Variants in CLN3 observed in about 807,000 individuals in gnomAD.
CLN3 encodes the protein CLN3 lysosomal/endosomal transmembrane protein, battenin.
In CLN3, 49 loss-of-function variants were observed where a neutral mutation model predicts 60.7. The ratio of observed to expected loss-of-function variants is 0.81; its 90% CI spans 0.64 to 1.02. The LOEUF (loss-of-function observed/expected upper bound fraction) is 1.02, where lower values mean the gene tolerates loss of function less well. Among genes scored for constraint, CLN3 ranks in the 50% least tolerant of loss-of-function variants. The probability of loss-of-function intolerance (pLI) is 0.00; values close to 1 mark genes in which losing one functional copy is unlikely to be tolerated. For synonymous variants in CLN3, 256 were observed against 245.8 expected (o/e 1.04, Z -0.39); for missense variants, 516 against 557.4 (o/e 0.93, Z 0.75).
chr16:28,487,150 A>G, intron 7 of CLN3: 1 of 467,098 alleles, frequency 2.1e-6, no homozygotes, highest in Non-Finnish European at 3.9e-6. Flanking sequence ...ACCTCAGGTG[A>G]TCTGCCTGCC....
In CLN3 at chr16:28,478,574, C is replaced by T. The variant is rs995017763; in HGVS notation, c.1057-697G>A. Among the ~76,000 whole-genome samples, 6 of 142,202 alleles carry T rather than the reference C, an allele frequency of 4.2e-5. No individual in the cohort carries two copies. In the South Asian group the frequency reaches 8.8e-4, roughly 21 times the overall value. The allele number at this position is 142,202 out of a possible 152,430, so 93.3% of individuals were successfully genotyped here. The stretch of plus-strand genomic sequence containing the variant: ...GAGGCTGCAGTAAGCTATGATTGTG[C>T]CACTGCACTCCAGCCTGGGTGACAG... On this transcript the variant is annotated intron_variant, in intron 14 of 15. Coordinates refer to ENST00000636147, the MANE Select transcript of CLN3 (RefSeq NM_001042432.2).
chr16:28,478,397 C>T (rs985918525), intron 14 of CLN3, among the ~76,000 whole-genome samples: 5 of 151,602 alleles, frequency 3.3e-5, no homozygotes, highest in Non-Finnish European at 7.4e-5. Context: ...GGGATGATCA[C>T]TTGAGGCCAG....
At chr16:28,487,924 T>C (rs1293906625) in intron 5 of CLN3, 183 bp from the exon 6 acceptor site, 2 of 615,080 alleles carry the variant, frequency 3.3e-6, no homozygotes, top group East Asian at 2.8e-5. Flanking sequence ...GAGTTTATAC[T>C]CTCTGAGCTT....
At chr16:28,470,186 T>C (rs1213317494), downstream of CLN3, among the ~76,000 whole-genome samples, 6 of 133,076 alleles carry the variant, frequency 4.5e-5, no homozygotes, top group African/African-American at 1.8e-4. Flanking sequence ...TAATCTTTTT[T>C]GGAATTTTTT....
intron 14 of CLN3, among the ~76,000 whole-genome samples, chr16:28,481,444 ACACACACACG>A (rs1359086523): frequency 2.2e-5 from 3 of 134,828 alleles, no homozygotes; most frequent in Middle Eastern, 3.7e-3. Context: ...ACACACACAC[ACACACACACG>A]CACACACACA....
At chr16:28,470,521 G>A, downstream of CLN3, 1 of 696,818 alleles carries the variant, frequency 1.4e-6, no homozygotes, top group Admixed American at 2.7e-5. Flanking sequence ...AGGGGACGGG[G>A]ACCGGGGCCG....
At position 28,487,665 on chromosome 16, in the gene CLN3, T is replaced by C. The variant is rs546862372; in HGVS notation, c.371A>G (p.Tyr124Cys). ...LAPLGLHLLP[Y>C]SPRVLVSGIC... ...CTCCCACTACCCTCACCCAGACCTG[T>C]AGGGCAGCAGGTGAAGGCCAAGAGG... Residue 124 changes from tyrosine (Y) to cysteine (C), a missense_variant, in exon 6 of 16, where the codon TAC becomes TGC. Transcript: ENST00000636147. 1.2e-6 allele frequency: 2 copies of C among 1,612,490 alleles called. No homozygotes were observed. The highest frequency in any genetic ancestry group is 1.7e-6 in the Non-Finnish European group (2 of 1,178,738).
rs779165392 is a variant in CLN3, at chr16:28,488,642, C to T, written c.243G>A (p.Pro81=). 45 of 1,614,022 alleles carry T rather than the reference C, an allele frequency of 2.8e-5. No individual in the cohort carries two copies. In the East Asian group the frequency reaches 3.6e-4, roughly 13 times the overall value. Reference sequence around the variant, plus strand: ...ATCGTGATGAGCTGTTGTGGGGGATCGGCGTTGGGCCTGGGTCCACCTAAT... The same window carrying T: ...ATCGTGATGAGCTGTTGTGGGGGATTGGCGTTGGGCCTGGGTCCACCTAAT... ...NQSHVDPGPT[P]IPHNSSSRFD... The change falls in exon 5 of 16, where the codon CCG becomes CCA. Residue 81 remains proline (P), a synonymous_variant. Coordinates refer to ENST00000636147, the MANE Select transcript of CLN3 (RefSeq NM_001042432.2).
chr16:28,474,523 C>T (rs1358957409), downstream of CLN3, among the ~76,000 whole-genome samples: 5 of 151,686 alleles, frequency 3.3e-5, no homozygotes, highest in African/African-American at 2.4e-5. Flanking sequence ...ACGGAGGTTG[C>T]GGTGGAAAAA....
At chr16:28,483,889 T>A in intron 10 of CLN3, 117 bp downstream of exon 10, 1 of 749,072 alleles carries the variant, frequency 1.3e-6, no homozygotes. Flanking sequence ...GACAAAGGCT[T>A]TTCCCATAAC....
At chr16:28,468,542 C>T in the CLN3 span, among the ~76,000 whole-genome samples, 6,254 of 127,252 alleles carry the variant, frequency 0.049, no homozygotes, top group East Asian at 0.11. Context: ...GGTGTGGTGG[C>T]TCACGCCTGC....
At chr16:28,480,063 C>T (rs1325499037) in intron 14 of CLN3, among the ~76,000 whole-genome samples, 4 of 151,980 alleles carry the variant, frequency 2.6e-5, no homozygotes, top group East Asian at 1.9e-4. Flanking sequence ...TGGGCTAAAG[C>T]GATCCTCCTG....
chr16:28,476,379 CA>C (rs528486216), downstream of CLN3: 43,159 of 106,394 alleles, frequency 0.41, 7,369 homozygotes, highest in Admixed American at 0.48. Flanking sequence ...CGCGTCTCTA[CA>C]AAAAAAAAAA....
chr16:28,475,760 G>A (rs1394338536), downstream of CLN3: 1 of 152,130 alleles, frequency 6.6e-6, no homozygotes, highest in Non-Finnish European at 1.5e-5. Context: ...ATAACTGAAT[G>A]TATATTAAAG....
chr16:28,483,713 C>CTTT (rs755660742), intron 10 of CLN3, among the ~76,000 whole-genome samples: 23 of 100,534 alleles, frequency 2.3e-4, no homozygotes, highest in African/African-American at 3.6e-4. Flanking sequence ...CCTTTCTTTT[C>CTTT]TTTTTTTTTT....
At chr16:28,488,780 C>T (rs755635105) in intron 4 of CLN3, 118 bp from the exon 5 acceptor site, 13 of 923,070 alleles carry the variant, frequency 1.4e-5, no homozygotes, top group Non-Finnish European at 2.3e-5. Flanking sequence ...CAGTGACTGA[C>T]TTCTCAGGAC....
intron 9 of CLN3, 161 bp from the exon 10 acceptor site, chr16:28,484,279 C>A: frequency 1.5e-6 from 1 of 654,836 alleles, no homozygotes; most frequent in Non-Finnish European, 2.7e-6. Context: ...GGGAGAGCTC[C>A]AATTGTGGAC....
chr16:28,472,011 C>T (rs1309004048), downstream of CLN3, among the ~76,000 whole-genome samples: 1 of 152,056 alleles, frequency 6.6e-6, no homozygotes, highest in African/African-American at 2.4e-5. Context: ...GTCTGAGCAA[C>T]AGAGCGAGAC....
At chr16:28,489,423 T>C (rs775565197) in intron 3 of CLN3, 37 bp from the exon 4 acceptor site, 16 of 1,453,132 alleles carry the variant, frequency 1.1e-5, no homozygotes, top group Non-Finnish European at 1.5e-5. Flanking sequence ...TCCCTCCTCA[T>C]CCTGCAGCCA....
Sources: gnomAD v4.1 joint callset for allele counts (sites outside exome capture counted in the v4.1 genomes callset) on GRCh38, gnomAD v4.1.1 for gene constraint, MANE v1.5 for transcripts, NCBI Gene and HGNC (gene_info 2026-07-23, HGNC 2026-07-21) for gene names.